The following CDKAL1 variants were observed in gnomAD, a reference collection of about 807,000 sequenced individuals.
CDKAL1 encodes threonylcarbamoyladenosine tRNA methylthiotransferase.
In CDKAL1, 32 loss-of-function variants were observed where a neutral mutation model predicts 68.2. That is an observed-to-expected ratio of 0.47 (90% CI 0.35 to 0.63). CDKAL1 has a LOEUF of 0.63. Ranked by LOEUF, CDKAL1 falls within the 30% of genes least tolerant of loss-of-function variation. The pLI, the probability that CDKAL1 is intolerant of heterozygous loss-of-function variation, is 0.00. For synonymous variants in CDKAL1, 234 were observed against 244.3 expected (o/e 0.96, Z 0.39); for missense variants, 606 against 696.7 (o/e 0.87, Z 1.47).
At chr6:20,788,070 A>G (rs898731267) in intron 8 of CDKAL1, among the ~76,000 whole-genome samples, 7 of 152,206 alleles carry the variant, frequency 4.6e-5, no homozygotes, top group Admixed American at 2.0e-4. Flanking sequence ...AACTACTTGT[A>G]ATTAGTAGTT....
rs192450303 is a variant in CDKAL1 at position 21,120,921 on chromosome 6, C to G, written c.1299+12458C>G. 4.8e-3 allele frequency among the ~76,000 whole-genome samples: 724 copies of G among 152,262 alleles called. 2 individuals carry two copies. Among genetic ancestry groups the G allele is most frequent in the Non-Finnish European group, 7.6e-3 (514 of 68,016 alleles). The stretch of plus-strand genomic sequence containing the variant: ...AACAGTGCTGTGCAGTGTATAATCT[C>G]ACAAACATGTCATCTTATCAATGTA... On this transcript the variant is annotated intron_variant, in intron 13 of 15. Transcript: ENST00000274695.
intron 9 of CDKAL1, among the ~76,000 whole-genome samples, chr6:20,854,508 A>C (rs756851888): frequency 8.5e-5 from 13 of 152,262 alleles, no homozygotes; most frequent in Non-Finnish European, 1.6e-4. Flanking sequence ...ATAACAGTAC[A>C]TTATCACAAT....
intron 10 of CDKAL1, among the ~76,000 whole-genome samples, chr6:20,956,838 A>T (rs1006893889): frequency 1.3e-5 from 2 of 152,104 alleles, no homozygotes; most frequent in Non-Finnish European, 2.9e-5. Flanking sequence ...TTTATTATTT[A>T]CATTTTTCTA....
chr6:20,774,181 G>C (rs944953752), intron 7 of CDKAL1, among the ~76,000 whole-genome samples: 2 of 152,044 alleles, frequency 1.3e-5, no homozygotes, highest in African/African-American at 4.8e-5. Flanking sequence ...AGAAAAGTTG[G>C]GCTGTTTATA....
At chr6:21,041,148 A>C (rs1769901603) in intron 11 of CDKAL1, among the ~76,000 whole-genome samples, 1 of 152,190 alleles carries the variant, frequency 6.6e-6, no homozygotes, top group African/African-American at 2.4e-5. Flanking sequence ...AATCAGATGC[A>C]AGTAAACCAG....
At chr6:20,640,650 T>G (rs1768131720) in intron 4 of CDKAL1, among the ~76,000 whole-genome samples, 1 of 152,238 alleles carries the variant, frequency 6.6e-6, no homozygotes, top group African/African-American at 2.4e-5. Context: ...TAAGGCCATG[T>G]AATATTACTT....
intron 10 of CDKAL1, among the ~76,000 whole-genome samples, chr6:20,957,968 C>CAAAAAAAAAAAAAAAAAAAAAAAAAAAA (rs60301451): frequency 1.5e-5 from 1 of 67,394 alleles, no homozygotes; most frequent in African/African-American, 4.0e-5. Context: ...AAGATTATCT[C>CAAAAAAAAAAAAAAAAAAAAAAAAAAAA]AAAAAAAAAA....
intron 12 of CDKAL1, among the ~76,000 whole-genome samples, chr6:21,086,641 C>T (rs188034691): frequency 6.6e-6 from 1 of 152,180 alleles, no homozygotes; most frequent in East Asian, 1.9e-4. Flanking sequence ...CCTAGTAGCC[C>T]CTTTACCTTC....
chr6:21,085,399 C>A (rs561505831), intron 12 of CDKAL1, among the ~76,000 whole-genome samples: 3 of 152,250 alleles, frequency 2.0e-5, no homozygotes, highest in Admixed American at 2.0e-4. Context: ...GCTCCTTACT[C>A]AAGAGGCATG....
In CDKAL1 at chr6:21,190,350, T is replaced by C. The variant is rs550691721; in HGVS notation, c.1300-7671T>C. Among the ~76,000 whole-genome samples, 5 of 152,232 alleles carry C rather than the reference T, an allele frequency of 3.3e-5. No individual in the cohort carries two copies. The South Asian group carries it at 8.3e-4, about 25-fold the overall frequency. On this transcript the variant is annotated intron_variant, in intron 13 of 15. Transcript: ENST00000274695. Reference sequence around the variant, plus strand: ...ATGATGTAAATGATTACAGGAACTTTTGATATGTGTGGGGTTTTTTTTGTT... The same window carrying C: ...ATGATGTAAATGATTACAGGAACTTCTGATATGTGTGGGGTTTTTTTTGTT...
At chr6:20,704,448 C>G (rs1012206936) in intron 5 of CDKAL1, among the ~76,000 whole-genome samples, 12 of 151,832 alleles carry the variant, frequency 7.9e-5, no homozygotes, top group African/African-American at 2.9e-4. Flanking sequence ...AAAGAACATT[C>G]TAGACAGAGG....
intron 4 of CDKAL1, among the ~76,000 whole-genome samples, chr6:20,587,187 AT>A (rs540924477): frequency 6.6e-6 from 1 of 151,648 alleles, no homozygotes; most frequent in Non-Finnish European, 1.5e-5. Flanking sequence ...CGGTTTTGCC[AT>A]TTTGGCCAAG....
chr6:20,570,632 C>T (rs1161771614), intron 4 of CDKAL1, among the ~76,000 whole-genome samples: 1 of 151,984 alleles, frequency 6.6e-6, no homozygotes, highest in Non-Finnish European at 1.5e-5. Flanking sequence ...AATTCCTGAC[C>T]TCAGGTGATT....
chr6:20,728,359 A>G (rs1352949084), intron 5 of CDKAL1, among the ~76,000 whole-genome samples: 1 of 152,092 alleles, frequency 6.6e-6, no homozygotes, highest in Non-Finnish European at 1.5e-5. Context: ...TTCATCGTTT[A>G]CTCCAGAAAT....
At chr6:21,174,564 AAT>A (rs1777508639) in intron 13 of CDKAL1, among the ~76,000 whole-genome samples, 1 of 152,158 alleles carries the variant, frequency 6.6e-6, no homozygotes. Context: ...ACTACAAAAA[AAT>A]ATTTGTTCCC....
intron 13 of CDKAL1, among the ~76,000 whole-genome samples, chr6:21,192,147 G>C (rs1311944585): frequency 1.4e-5 from 2 of 147,370 alleles, no homozygotes; most frequent in African/African-American, 5.0e-5. Context: ...TCAGCCTCCC[G>C]AGTAGCTGGG....
chr6:20,804,724 A>G (rs748578133), intron 8 of CDKAL1, among the ~76,000 whole-genome samples: 2 of 152,164 alleles, frequency 1.3e-5, no homozygotes, highest in African/African-American at 2.4e-5. Flanking sequence ...CTGGGCTGCC[A>G]TCTTTAGAAG....
chr6:20,626,591 C>G (rs1188158116), intron 4 of CDKAL1, among the ~76,000 whole-genome samples: 3 of 151,970 alleles, frequency 2.0e-5, no homozygotes, highest in Non-Finnish European at 2.9e-5. Flanking sequence ...AGATACTTTT[C>G]ATTGTATGTA....
At chr6:21,200,998 G>T in intron 14 of CDKAL1, 112 bp from the exon 15 acceptor site, 1 of 883,968 alleles carries the variant, frequency 1.1e-6, no homozygotes. Flanking sequence ...CTGGGAGTTA[G>T]GTATACAGGA....
Sources: allele counts gnomAD v4.1 joint callset (sites outside exome capture counted in the v4.1 genomes callset), GRCh38; gene constraint gnomAD v4.1.1; transcripts MANE v1.5; gene names NCBI Gene and HGNC (gene_info 2026-07-23, HGNC 2026-07-21).